LEMD1: variants seen among roughly 807,000 people sequenced by gnomAD.
The protein encoded by LEMD1 is LEM domain-containing protein 1.
LEMD1 carries 18 observed loss-of-function variants against 17.4 expected under a neutral mutation model. The ratio of observed to expected loss-of-function variants is 1.04; its 90% CI spans 0.72 to 1.54. The LOEUF (loss-of-function observed/expected upper bound fraction) is 1.54. LEMD1 is among the 40% of genes most tolerant of loss of function. LEMD1 has a pLI of 0.00. For synonymous variants in LEMD1, 88 were observed against 77.8 expected, an observed-to-expected ratio of 1.13 and a Z score of -0.69; for missense variants, 195 against 210.4, an observed-to-expected ratio of 0.93 and a Z score of 0.45.
At chr1:205,389,788 T>C (rs1664241386) in intron 4 of LEMD1, among the ~76,000 whole-genome samples, 1 of 152,250 alleles carries the variant, frequency 6.6e-6, no homozygotes, top group Non-Finnish European at 1.5e-5. Context: ...AAAAACTTCC[T>C]TTTGATTTAC....
At chr1:205,431,585 G>A (rs1666125997) in intron 1 of LEMD1, among the ~76,000 whole-genome samples, 2 of 152,236 alleles carry the variant, frequency 1.3e-5, no homozygotes, top group Non-Finnish European at 2.9e-5. Context: ...TGGAAGGTTG[G>A]TGGAGGCAGA....
chr1:205,410,435 A>G (rs1665334329), intron 4 of LEMD1, among the ~76,000 whole-genome samples: 2 of 152,204 alleles, frequency 1.3e-5, no homozygotes, highest in African/African-American at 2.4e-5. Context: ...TCCATTCACA[A>G]TGATCTAAGC....
chr1:205,448,461 A>G lies in LEMD1; in HGVS notation c.-39+1407T>C, dbSNP rs895930243. On this transcript the variant is annotated intron_variant, in intron 1 of 3. Coordinates refer to the LEMD1 transcript ENST00000367154. The surrounding 1 kb of genome is among the most constrained non-coding windows in gnomAD (Gnocchi z 4.7). ...AAGCTGGGGCACCCGAGAAGCCCTC[A>G]CTCCCCTTCTCAGCACCCCCGACCC... is the stretch of plus-strand genomic sequence containing the variant. 9 of 521,742 alleles carry G rather than the reference A, an allele frequency of 1.7e-5. No homozygotes were observed. The East Asian group carries it at 3.9e-4, about 22-fold the overall frequency. 32.3% of individuals were successfully genotyped at this position (521,742 alleles called of 1,614,324 possible).
intron 5 of LEMD1, among the ~76,000 whole-genome samples, chr1:205,383,759 G>A (rs1270666169): frequency 2.0e-5 from 3 of 149,996 alleles, no homozygotes; most frequent in South Asian, 2.1e-4. Flanking sequence ...TCAGCCTCCC[G>A]AGTAGCTGGG....
Position 205,448,027 on chromosome 1 carries a change from G to T in LEMD1, c.-39+1841C>A, listed in dbSNP as rs908947735. ...GCCAGGCCTCAGTAATTTGGCAAGGGGGAAGGAACCGACTCAGAAAGCTCA... is the reference window on the plus strand; with the variant it reads ...GCCAGGCCTCAGTAATTTGGCAAGGTGGAAGGAACCGACTCAGAAAGCTCA... On this transcript the variant is annotated intron_variant, in intron 1 of 3. Transcript: ENST00000367154. This position sits in a 1 kb window ranked among gnomAD's most constrained non-coding sequence, Gnocchi z 4.7. Among the ~76,000 whole-genome samples the T allele has an allele frequency of 6.6e-6, 1 of 152,146 alleles. No individual in the cohort carries two copies. The highest frequency in any genetic ancestry group is 2.4e-5 in the African/African-American group (1 of 41,428).
At chr1:205,440,264 G>C (rs1042103526) in intron 1 of LEMD1, among the ~76,000 whole-genome samples, 3 of 152,160 alleles carry the variant, frequency 2.0e-5, no homozygotes, top group Non-Finnish European at 4.4e-5. Context: ...GGTCAGGGCC[G>C]GGGCTGGAGG....
At chr1:205,442,607 C>T (rs997238732) in intron 1 of LEMD1, among the ~76,000 whole-genome samples, 4 of 152,348 alleles carry the variant, frequency 2.6e-5, no homozygotes, top group Admixed American at 6.5e-5. Flanking sequence ...TTAATAGGTG[C>T]AATGCATTTC....
chr1:205,438,513 G>A (rs1666243445), intron 1 of LEMD1, among the ~76,000 whole-genome samples: 1 of 152,258 alleles, frequency 6.6e-6, no homozygotes, highest in African/African-American at 2.4e-5. Context: ...CTAGAGGAGG[G>A]CACAGGTGTC....
intron 4 of LEMD1, among the ~76,000 whole-genome samples, chr1:205,394,469 C>T (rs1327627952): frequency 6.6e-6 from 1 of 152,076 alleles, no homozygotes; most frequent in Non-Finnish European, 1.5e-5. Context: ...ACCACAACCT[C>T]CACCTCCCGA....
intron 1 of LEMD1, chr1:205,435,716 T>C (rs184615579): frequency 6.6e-6 from 1 of 152,336 alleles, no homozygotes; most frequent in Admixed American, 6.5e-5. Context: ...GTCATACCTG[T>C]GTAGGAAAAA....
upstream of LEMD1, among the ~76,000 whole-genome samples, chr1:205,424,321 C>T (rs967029245): frequency 1.3e-5 from 2 of 152,134 alleles, no homozygotes; most frequent in Non-Finnish European, 1.5e-5. Flanking sequence ...TATTTCAGGC[C>T]GAATTTACTG....
At chr1:205,438,479 T>C (rs1001889951) in intron 1 of LEMD1, among the ~76,000 whole-genome samples, 4 of 152,372 alleles carry the variant, frequency 2.6e-5, no homozygotes, top group Non-Finnish European at 4.4e-5. Flanking sequence ...GGCCTTTCCC[T>C]ATTCCCTGGG....
At chr1:205,391,732 C>T (rs188918819) in intron 4 of LEMD1, among the ~76,000 whole-genome samples, 48 of 152,280 alleles carry the variant, frequency 3.2e-4, no homozygotes, top group African/African-American at 9.4e-4. Context: ...GGACTTTTAC[C>T]TCCACCTGGC....
intron 2 of LEMD1, 65 bp downstream of exon 2, chr1:205,420,390 C>T (rs1665904501): frequency 8.2e-7 from 1 of 1,219,034 alleles, no homozygotes; most frequent in Non-Finnish European, 1.2e-6. Flanking sequence ...TATGTTCCTT[C>T]TATTGTAAGT....
intron 1 of LEMD1, among the ~76,000 whole-genome samples, chr1:205,434,424 C>T (rs1469748235): frequency 2.0e-5 from 3 of 151,288 alleles, no homozygotes; most frequent in Non-Finnish European, 4.4e-5. Context: ...GGTCTTAACT[C>T]CTGAGCTCAA....
intron 1 of LEMD1, among the ~76,000 whole-genome samples, chr1:205,449,026 ATC>A (rs1666451262): frequency 6.6e-6 from 1 of 152,032 alleles, no homozygotes; most frequent in Non-Finnish European, 1.5e-5. Flanking sequence ...GGAGAGTGAG[ATC>A]TCTGTCTCCA....
Position 205,403,485 on chromosome 1 carries a change from G to A in LEMD1, c.270+12747C>T, listed in dbSNP as rs1208404190. ...TTCTTCTAGATTTTCTAGTTTATTT[G>A]CATAGAGGTGTTTGTAGTATTCTGT... On this transcript the variant is annotated intron_variant, in intron 4 of 5. Coordinates refer to ENST00000367153, the MANE Select transcript of LEMD1 (RefSeq NM_001199050.2). Among the ~76,000 whole-genome samples, 3 of 152,256 alleles carry A rather than the reference G, an allele frequency of 2.0e-5. No individual in the cohort carries two copies. The East Asian group carries it at 5.8e-4, about 29-fold the overall frequency.
At chr1:205,396,336 G>A (rs372566204) in intron 4 of LEMD1, among the ~76,000 whole-genome samples, 3 of 151,580 alleles carry the variant, frequency 2.0e-5, no homozygotes, top group East Asian at 3.9e-4. Flanking sequence ...TATATTACTG[G>A]GGGAAGCAAA....
chr1:205,437,614 C>G (rs913917708), intron 1 of LEMD1: 2 of 152,236 alleles, frequency 1.3e-5, no homozygotes, highest in African/African-American at 4.8e-5. Flanking sequence ...GTTGTCTGCA[C>G]GGAGTGCATC....
Sources: allele counts gnomAD v4.1 joint callset (sites outside exome capture counted in the v4.1 genomes callset), GRCh38; gene constraint gnomAD v4.1.1; non-coding constraint Gnocchi (gnomAD v3.1); transcripts MANE v1.5; gene names NCBI Gene and HGNC (gene_info 2026-07-23, HGNC 2026-07-21).